The following NPAP1 variants were observed in gnomAD, a reference collection of about 807,000 sequenced individuals.
NPAP1 encodes nuclear pore associated protein 1.
For missense variants in NPAP1, 1,483 were observed against 1,454.5 expected, an observed-to-expected ratio of 1.02 and a Z score of -0.32; for synonymous variants, 616 against 581.4, an observed-to-expected ratio of 1.06 and a Z score of -0.86.
rs113503268 is a variant in NPAP1 at position 24,678,955 on chromosome 15, A to G, written c.3088A>G (p.Ser1030Gly). 2.6e-4 allele frequency: 419 copies of G among 1,614,178 alleles called. 2 individuals are homozygous for G. In the African/African-American group the frequency reaches 4.4e-3, roughly 17 times the overall value. Residue 1030 changes from serine to glycine, a missense_variant, in exon 1 of 1, where the codon AGT (serine) becomes GGT (glycine). Ser to Gly is a moderately conservative substitution (Grantham distance 56, BLOSUM62 0). Transcript: ENST00000329468. The stretch of plus-strand genomic sequence containing the variant: ...GTTCAGCATGTCTGCCCCAGGCCCC[A>G]GTTCCACATCAGGAGAACTCAACAT... ...IGFSMSAPGPSSTSGELNIGQ... is the reference protein window; with the variant it reads ...IGFSMSAPGPGSTSGELNIGQ...
In NPAP1 at chr15:24,680,953, C is replaced by A. The variant is rs970534168; in HGVS notation, c.*1615C>A. The A allele has an allele frequency of 6.0e-6, 1 of 166,922 alleles. No homozygotes were observed. Among genetic ancestry groups the A allele is most frequent in the Non-Finnish European group, 1.5e-5 (1 of 68,128 alleles). The allele number at this position is 166,922 out of a possible 1,614,324, so 10.3% of individuals were successfully genotyped here. ...TGTTTCAGTTTACACTGTGAACAAG[C>A]CTCACTGGGAAGGTAAATTTAAACG... is the stretch of plus-strand genomic sequence containing the variant. On this transcript the variant is annotated 3_prime_UTR_variant, in exon 1 of 1. Transcript: ENST00000329468.
At position 24,681,985 on chromosome 15, in the gene NPAP1, G is replaced by A; in HGVS notation, c.*2647G>A. On this transcript the variant is annotated 3_prime_UTR_variant, in exon 1 of 1. Transcript: ENST00000329468. ...GAGTCTTGCTCTGTCACCCAGGCTG[G>A]AGTGCAGTGGCGTGATCTTGGCTCA... 6.0e-6 allele frequency: 1 copy of A among 166,550 alleles called. No individual in the cohort carries two copies. Among genetic ancestry groups the A allele is most frequent in the East Asian group, 1.9e-4 (1 of 5,166 alleles). 10.3% of individuals were successfully genotyped at this position (166,550 alleles called of 1,614,324 possible). A position where few individuals can be genotyped will look rare whatever the true frequency, so the allele number is the denominator to read the frequency against.
rs1279562537 is a variant in NPAP1, at chr15:24,681,535, C to T, written c.*2197C>T. ...TTTAGATGAAGTCATGAAAATGAAA[C>T]CCCCATGATGGGATTTGCGCCTTTA... On this transcript the variant is annotated 3_prime_UTR_variant, in exon 1 of 1. Transcript: ENST00000329468. The T allele has an allele frequency of 6.0e-6, 1 of 167,058 alleles. No individual in the cohort carries two copies. Among genetic ancestry groups the T allele is most frequent in the Non-Finnish European group, 1.5e-5 (1 of 68,088 alleles). The allele number at this position is 167,058 out of a possible 1,614,324, so 10.3% of individuals were successfully genotyped here.
rs749853568 is a variant in NPAP1 at position 24,679,013 on chromosome 15, C to T, written c.3146C>T (p.Thr1049Ile). 30 of 1,614,192 alleles carry T rather than the reference C, an allele frequency of 1.9e-5. No homozygotes were observed. The highest frequency in any genetic ancestry group is 2.3e-5 in the Non-Finnish European group (27 of 1,180,048). ...GQGQSGTPST[T>I]SVFPFGQAAW... ...GGACAGAGTGGGACACCCAGCACCA[C>T]TTCTGTTTTCCCATTTGGTCAGGCA... The change falls in exon 1 of 1, where the codon ACT becomes ATT. Residue 1049 changes from threonine to isoleucine, a missense_variant. Physicochemically the swap from Thr to Ile is moderately conservative, Grantham distance 89. Transcript: ENST00000329468.
At position 24,682,538 on chromosome 15, in the gene NPAP1, A is replaced by G. The variant is rs11631213; in HGVS notation, c.*3200A>G. 0.049 allele frequency: 8,212 copies of G among 167,156 alleles called. 267 individuals are homozygous for G. The highest frequency in any genetic ancestry group is 0.1 in the African/African-American group (4,283 of 41,532). The allele number at this position is 167,156 out of a possible 1,614,324, so 10.4% of individuals were successfully genotyped here. On this transcript the variant is annotated 3_prime_UTR_variant, in exon 1 of 1. Coordinates refer to ENST00000329468, the MANE Select transcript of NPAP1 (RefSeq NM_018958.3). ...TTTATTTTTTATTAAGATAAAAAGCAAACATAATATCAATTTAAATAATAC... is the reference window on the plus strand; with the variant it reads ...TTTATTTTTTATTAAGATAAAAAGCGAACATAATATCAATTTAAATAATAC...
Position 24,675,965 on chromosome 15 carries a change from C to T in NPAP1, c.98C>T (p.Ser33Phe), listed in dbSNP as rs577036467. 1.9e-6 allele frequency: 3 copies of T among 1,592,592 alleles called. No individual in the cohort carries two copies. The highest frequency in any genetic ancestry group is 1.8e-5 in the Admixed American group (1 of 57,068). The change falls in exon 1 of 1, where the codon TCC (serine) becomes TTC (phenylalanine). Residue 33 changes from serine to phenylalanine, a missense_variant. Coordinates refer to ENST00000329468, the MANE Select transcript of NPAP1 (RefSeq NM_018958.3). ...GAPAPLSRDA[S>F]PPGRAHSVPT... ...CCCGCTCCCCTGTCCCGGGACGCCTCCCCGCCCGGTCGGGCTCACTCTGTA... is the reference window on the plus strand; with the variant it reads ...CCCGCTCCCCTGTCCCGGGACGCCTTCCCGCCCGGTCGGGCTCACTCTGTA...
chr15:24,676,665 C>G lies in NPAP1; in HGVS notation c.798C>G (p.Ala266=), dbSNP rs766319160. ...ATGCAACAGCGCCCCCTGAGCCAGCCGTTGGCTGCTCCCTGCTGCAGCAGA... is the reference window on the plus strand; with the variant it reads ...ATGCAACAGCGCCCCCTGAGCCAGCGGTTGGCTGCTCCCTGCTGCAGCAGA... ...DPDATAPPEP[A]VGCSLLQQKL... The change falls in exon 1 of 1, where the codon GCC becomes GCG. Residue 266 remains alanine (A), a synonymous_variant. Transcript: ENST00000329468. 1.9e-6 allele frequency: 3 copies of G among 1,613,932 alleles called. No individual in the cohort carries two copies. Among genetic ancestry groups the G allele is most frequent in the South Asian group, 1.1e-5 (1 of 91,088 alleles).
chr15:24,679,054 G>A lies in NPAP1; in HGVS notation c.3187G>A (p.Gly1063Ser). 6.2e-7 allele frequency: 1 copy of A among 1,614,164 alleles called. No homozygotes were observed. The highest frequency in any genetic ancestry group is 8.5e-7 in the Non-Finnish European group (1 of 1,180,028). The change falls in exon 1 of 1, where the codon GGC (glycine) becomes AGC (serine). Residue 1063 changes from glycine (G) to serine (S), a missense_variant. Gly to Ser is a moderately conservative substitution (Grantham distance 56). Transcript: ENST00000329468. ...PFGQAAWDPT[G>S]HSMAAAPQGA... ...TGGTCAGGCAGCCTGGGACCCAACTGGCCACAGCATGGCTGCTGCACCACA... is the reference window on the plus strand; with the variant it reads ...TGGTCAGGCAGCCTGGGACCCAACTAGCCACAGCATGGCTGCTGCACCACA...
In NPAP1 at chr15:24,677,378, C is replaced by T; in HGVS notation, c.1511C>T (p.Thr504Ile). The T allele has an allele frequency of 1.2e-6, 2 of 1,614,136 alleles. No individual in the cohort carries two copies. Among genetic ancestry groups the T allele is most frequent in the Non-Finnish European group, 8.5e-7 (1 of 1,180,014 alleles). ...TSDPPTPPSS[T>I]PSFKPPVTRE... ...GACCCCCCAACACCTCCTAGCTCCA[C>T]ACCCTCCTTCAAGCCTCCCGTCACA... Residue 504 changes from threonine to isoleucine, a missense_variant, in exon 1 of 1, where the codon ACA becomes ATA. Coordinates refer to ENST00000329468, the MANE Select transcript of NPAP1 (RefSeq NM_018958.3).
At position 24,677,298 on chromosome 15, in the gene NPAP1, T is replaced by G. The variant is rs568014813; in HGVS notation, c.1431T>G (p.Ser477=). Residue 477 remains serine, a synonymous_variant, in exon 1 of 1, where the codon TCT becomes TCG. Transcript: ENST00000329468. ...ADLVPILGDQ[S]NEKGGSYNSV... ...TTGTTCCCATTTTGGGTGATCAGTC[T>G]AATGAGAAAGGAGGCTCTTATAATT... 1 of 1,614,182 alleles carries G rather than the reference T, an allele frequency of 6.2e-7. No individual in the cohort carries two copies. The highest frequency in any genetic ancestry group is 1.1e-5 in the South Asian group (1 of 91,086).
rs1391478852 is a variant in NPAP1, at chr15:24,676,403, C to T, written c.536C>T (p.Pro179Leu). The change falls in exon 1 of 1, where the codon CCC (proline) becomes CTC (leucine). Residue 179 changes from proline (P) to leucine (L), a missense_variant. Transcript: ENST00000329468. ...GGGGAGGATGACGAGAAAAGGACCC[C>T]CCTTAGCAGCGGAGAAGCATCGTCC... ...IEGEDDEKRT[P>L]LSSGEASSTS... is the part of the protein sequence containing the mutation. The T allele has an allele frequency of 3.2e-5, 51 of 1,595,426 alleles. No individual in the cohort carries two copies. Among genetic ancestry groups the T allele is most frequent in the Non-Finnish European group, 4.4e-5 (51 of 1,172,122 alleles).
rs2141315707 is a variant in NPAP1 at position 24,681,589 on chromosome 15, T to C, written c.*2251T>C. 1 of 167,136 alleles carries C rather than the reference T, an allele frequency of 6.0e-6. No individual in the cohort carries two copies. The highest frequency in any genetic ancestry group is 6.5e-5 in the Admixed American group (1 of 15,294). The allele number at this position is 167,136 out of a possible 1,614,324, so 10.4% of individuals were successfully genotyped here. On this transcript the variant is annotated 3_prime_UTR_variant, in exon 1 of 1. Coordinates refer to ENST00000329468, the MANE Select transcript of NPAP1 (RefSeq NM_018958.3). ...GAAGAAATACCAGTGCTTTCTCTAATTGCCATGTGAAGGTATACCAACAAG... is the reference window on the plus strand; with the variant it reads ...GAAGAAATACCAGTGCTTTCTCTAACTGCCATGTGAAGGTATACCAACAAG...
In NPAP1 at chr15:24,676,896, A is replaced by G. The variant is rs776059156; in HGVS notation, c.1029A>G (p.Pro343=). The part of the protein sequence containing the change: ...PLLLPLPPSL[P]LLWDRGELPP... ...TGCTGCCGCTGCCCCCTTCACTGCC[A>G]TTGCTGTGGGATCGAGGTGAGCTTC... is the stretch of plus-strand genomic sequence containing the variant. The change falls in exon 1 of 1, where the codon CCA becomes CCG. Residue 343 remains proline, a synonymous_variant. Transcript: ENST00000329468. 5 of 1,613,628 alleles carry G rather than the reference A, an allele frequency of 3.1e-6. No individual in the cohort carries two copies. Among genetic ancestry groups the G allele is most frequent in the South Asian group, 2.2e-5 (2 of 91,082 alleles).
At position 24,682,453 on chromosome 15, in the gene NPAP1, A is replaced by T. The variant is rs2049023425; in HGVS notation, c.*3115A>T. On this transcript the variant is annotated 3_prime_UTR_variant, in exon 1 of 1. Transcript: ENST00000329468. ...GAATAAATGTGTGAGAGATACAAAG[A>T]TAATTTTTGTTTTCATGTTTTGATG... 1 of 166,806 alleles carries T rather than the reference A, an allele frequency of 6.0e-6. No individual in the cohort carries two copies. Among genetic ancestry groups the T allele is most frequent in the Non-Finnish European group, 1.5e-5 (1 of 68,128 alleles). The allele number at this position is 166,806 out of a possible 1,614,324, so 10.3% of individuals were successfully genotyped here.
Position 24,680,108 on chromosome 15 carries a change from G to A in NPAP1, c.*770G>A, listed in dbSNP as rs112526219. On this transcript the variant is annotated 3_prime_UTR_variant, in exon 1 of 1. Transcript: ENST00000329468. ...CCTCCTGGGTTCAAGCAATTCTCCT[G>A]TCTTAGCCTCCTGAGTAGCTGGGAC... is the stretch of plus-strand genomic sequence containing the variant. 16,378 of 163,488 alleles carry A rather than the reference G, an allele frequency of 0.1. 1,047 individuals carry two copies. The highest frequency in any genetic ancestry group is 0.19 in the East Asian group (980 of 5,292). 10.1% of individuals were successfully genotyped at this position (163,488 alleles called of 1,614,324 possible).
At position 24,676,805 on chromosome 15, in the gene NPAP1, G is replaced by C. The variant is rs1049209424; in HGVS notation, c.938G>C (p.Arg313Thr). The part of the protein sequence containing the change: ...PDEKPFCIPP[R>T]SAAPPRAARN... ...GAGAAGCCTTTCTGTATTCCTCCAA[G>C]GAGCGCTGCTCCTCCCAGAGCTGCC... The change falls in exon 1 of 1, where the codon AGG becomes ACG. Residue 313 changes from arginine (R) to threonine (T), a missense_variant. By Grantham distance (71) the Arg-to-Thr change is moderately conservative. Transcript: ENST00000329468. 3.1e-6 allele frequency: 5 copies of C among 1,613,118 alleles called. No homozygotes were observed. The highest frequency in any genetic ancestry group is 4.2e-6 in the Non-Finnish European group (5 of 1,179,988).
rs12905237 is a variant in NPAP1, at chr15:24,677,061, C to A, written c.1194C>A (p.Ala398=). 3.1e-6 allele frequency: 5 copies of A among 1,613,860 alleles called. No individual in the cohort carries two copies. The Admixed American group carries it at 8.3e-5, about 27-fold the overall frequency. Reference sequence around the variant, plus strand: ...CAAACAGCAGCATCACCCAGCCTGCCCCTTCTTTCTCCCAACCTGTGCAGA... The same window carrying A: ...CAAACAGCAGCATCACCCAGCCTGCACCTTCTTTCTCCCAACCTGTGCAGA... ...TMTNSSITQP[A]PSFSQPVQTT... Residue 398 remains alanine (A), a synonymous_variant, in exon 1 of 1, where the codon GCC becomes GCA. Transcript: ENST00000329468.
In NPAP1 at chr15:24,681,776, T is replaced by C. The variant is rs2049018393; in HGVS notation, c.*2438T>C. The C allele has an allele frequency of 6.0e-6, 1 of 166,692 alleles. No homozygotes were observed. Among genetic ancestry groups the C allele is most frequent in the South Asian group, 2.1e-4 (1 of 4,818 alleles). The allele number at this position is 166,692 out of a possible 1,614,324, so 10.3% of individuals were successfully genotyped here. A position where few individuals can be genotyped will look rare whatever the true frequency, so the allele number is the denominator to read the frequency against. On this transcript the variant is annotated 3_prime_UTR_variant, in exon 1 of 1. Coordinates refer to ENST00000329468, the MANE Select transcript of NPAP1 (RefSeq NM_018958.3). ...ATCAGAACTGACTAATAAAGATAGA[T>C]AGATGATAGATAGATACATAGATAG...
In NPAP1 at chr15:24,676,125, G is replaced by C. The variant is rs746109641; in HGVS notation, c.258G>C (p.Pro86=). Residue 86 remains proline, a synonymous_variant, in exon 1 of 1, where the codon CCG becomes CCC. Coordinates refer to ENST00000329468, the MANE Select transcript of NPAP1 (RefSeq NM_018958.3). ...RAAAAPLGVL[P]AVGWGLAIRK... ...CGGCCGCCCCTCTGGGGGTCCTGCC[G>C]GCTGTGGGTTGGGGGCTGGCCATCA... The C allele has an allele frequency of 6.4e-7, 1 of 1,567,464 alleles. No homozygotes were observed. The highest frequency in any genetic ancestry group is 8.6e-7 in the Non-Finnish European group (1 of 1,159,538).
Sources: gnomAD v4.1 joint callset for allele counts on GRCh38, gnomAD v4.1.1 for gene constraint, MANE v1.5 for transcripts, NCBI Gene and HGNC (gene_info 2026-07-23, HGNC 2026-07-21) for gene names.